Variants in CCDC192 observed in about 807,000 individuals in gnomAD.
CCDC192 encodes the protein coiled-coil domain-containing protein 192.
At chr5:127,802,608 T>C (rs1304975932) in intron 5 of CCDC192, among the ~76,000 whole-genome samples, 2 of 152,170 alleles carry the variant, frequency 1.3e-5, no homozygotes, top group Non-Finnish European at 2.9e-5. Flanking sequence ...AATCTCTCCT[T>C]CTTTGGTGCG....
intron 2 of CCDC192, among the ~76,000 whole-genome samples, chr5:127,742,120 C>T (rs755816966): frequency 2.6e-5 from 4 of 152,108 alleles, no homozygotes; most frequent in South Asian, 2.1e-4. Context: ...TAGTGCCTGG[C>T]AAATAGTGAG....
intron 5 of CCDC192, among the ~76,000 whole-genome samples, chr5:127,829,096 C>T (rs1262345588): frequency 6.6e-6 from 1 of 152,024 alleles, no homozygotes; most frequent in Non-Finnish European, 1.5e-5. Flanking sequence ...AGAGGGAGAA[C>T]CCGGTATGCT....
In CCDC192 at chr5:127,719,568, CATATATATATAT is replaced by C. The variant is rs142203401; in HGVS notation, c.114+11810_114+11821del. Among the ~76,000 whole-genome samples, 21 of 19,038 alleles carry C rather than the reference CATATATATATAT, an allele frequency of 1.1e-3. 2 individuals carry two copies. The highest frequency in any genetic ancestry group is 1.7e-3 in the African/African-American group (17 of 10,024). The allele number at this position is 19,038 out of a possible 152,430, so 12.5% of individuals were successfully genotyped here. A position where few individuals can be genotyped will look rare whatever the true frequency, so the allele number is the denominator to read the frequency against. The stretch of plus-strand genomic sequence containing the variant: ...ATATATATATATATATACACACATA[CATATATATATAT>C]ACCAAGCAGTGGGATTGCTGAATCA... On this transcript the variant is annotated intron_variant, in intron 2 of 6. Coordinates refer to ENST00000514853, the MANE Select transcript of CCDC192 (RefSeq NM_001317938.2).
intron 5 of CCDC192, among the ~76,000 whole-genome samples, chr5:127,808,911 C>T (rs1275480578): frequency 2.0e-5 from 3 of 152,046 alleles, no homozygotes; most frequent in Non-Finnish European, 4.4e-5. Flanking sequence ...ATGCCATATA[C>T]CTGGATTTAA....
At chr5:127,743,158 TC>T (rs1753521322) in intron 2 of CCDC192, among the ~76,000 whole-genome samples, 1 of 152,050 alleles carries the variant, frequency 6.6e-6, no homozygotes, top group Non-Finnish European at 1.5e-5. Flanking sequence ...TCATTTCCCC[TC>T]CCCGCTTCCC....
At chr5:127,796,378 C>T (rs1219129118) in intron 3 of CCDC192, among the ~76,000 whole-genome samples, 1 of 151,966 alleles carries the variant, frequency 6.6e-6, no homozygotes, top group Non-Finnish European at 1.5e-5. Context: ...ATTGTGTGTC[C>T]CTTTCCAGGG....
At chr5:127,939,362 C>A (rs1754302025) in intron 6 of CCDC192, among the ~76,000 whole-genome samples, 1 of 152,030 alleles carries the variant, frequency 6.6e-6, no homozygotes, top group African/African-American at 2.4e-5. Context: ...AGTAATCCAC[C>A]TGCTTCAGCC....
chr5:127,880,755 G>A (rs1288657961), intron 6 of CCDC192, among the ~76,000 whole-genome samples: 1 of 152,058 alleles, frequency 6.6e-6, no homozygotes, highest in Non-Finnish European at 1.5e-5. Flanking sequence ...AGAGGTGGAT[G>A]GATCGCCTGA....
intron 5 of CCDC192, among the ~76,000 whole-genome samples, chr5:127,855,742 A>G (rs1438778493): frequency 6.6e-6 from 1 of 152,218 alleles, no homozygotes; most frequent in Non-Finnish European, 1.5e-5. Context: ...AGTAGGCATG[A>G]GAACAACATT....
chr5:127,719,524 T>TATATATATAC (rs1561444898), intron 2 of CCDC192, among the ~76,000 whole-genome samples: 16 of 88,214 alleles, frequency 1.8e-4, no homozygotes, highest in African/African-American at 6.0e-4. Context: ...TATATATATA[T>TATATATATAC]ACACACATAC....
intron 3 of CCDC192, among the ~76,000 whole-genome samples, chr5:127,792,772 G>C (rs1409714000): frequency 6.7e-6 from 1 of 149,336 alleles, no homozygotes; most frequent in African/African-American, 2.5e-5. Flanking sequence ...GAAAGAGGAG[G>C]AGGAGAAGAG....
chr5:127,798,048 G>A (rs1011279029), intron 4 of CCDC192, 58 bp from the exon 5 acceptor site: 8 of 396,698 alleles, frequency 2.0e-5, no homozygotes, highest in East Asian at 7.2e-5. Context: ...TCTGTAATAC[G>A]TTGAGTATGT....
chr5:127,724,958 T>C (rs1217942830), intron 2 of CCDC192, among the ~76,000 whole-genome samples: 1 of 151,854 alleles, frequency 6.6e-6, no homozygotes, highest in African/African-American at 2.4e-5. Context: ...ACTAAAGAAA[T>C]CCATCTAAAT....
chr5:127,898,818 T>C (rs1330079737), intron 6 of CCDC192, among the ~76,000 whole-genome samples: 1 of 151,994 alleles, frequency 6.6e-6, no homozygotes, highest in Non-Finnish European at 1.5e-5. Context: ...CAAGGGTAAA[T>C]CCATAGTAAT....
chr5:127,811,812 A>G (rs764610834), intron 5 of CCDC192, among the ~76,000 whole-genome samples: 6 of 152,154 alleles, frequency 3.9e-5, no homozygotes, highest in Non-Finnish European at 7.3e-5. Flanking sequence ...TCTGAGAAGA[A>G]AAGGGAGACT....
intron 3 of CCDC192, among the ~76,000 whole-genome samples, chr5:127,760,852 A>G (rs1410035653): frequency 6.6e-6 from 1 of 152,158 alleles, no homozygotes; most frequent in Non-Finnish European, 1.5e-5. Flanking sequence ...GCTGAACTCT[A>G]AGATACCCCT....
At chr5:127,931,581 G>A (rs575938500) in intron 6 of CCDC192, among the ~76,000 whole-genome samples, 1 of 152,112 alleles carries the variant, frequency 6.6e-6, no homozygotes. Flanking sequence ...GCCAAATCTT[G>A]GTTCACCATA....
At chr5:127,831,508 G>T (rs1299745518) in intron 5 of CCDC192, among the ~76,000 whole-genome samples, 1 of 151,914 alleles carries the variant, frequency 6.6e-6, no homozygotes, top group African/African-American at 2.4e-5. Context: ...AAAATTCAAT[G>T]CCTATATTGT....
intron 5 of CCDC192, among the ~76,000 whole-genome samples, chr5:127,841,738 G>A (rs983901980): frequency 6.6e-6 from 1 of 152,110 alleles, no homozygotes; most frequent in African/African-American, 2.4e-5. Context: ...TGTATGGGTG[G>A]CTCCCATGGT....
Sources: gnomAD v4.1 joint callset for allele counts (sites outside exome capture counted in the v4.1 genomes callset) on GRCh38, gnomAD v4.1.1 for gene constraint, MANE v1.5 for transcripts, NCBI Gene and HGNC (gene_info 2026-07-23, HGNC 2026-07-21) for gene names.